The following USP12 variants were observed in gnomAD, a reference collection of about 807,000 sequenced individuals.
USP12 encodes the protein ubiquitin carboxyl-terminal hydrolase 12.
USP12 carries 19 observed loss-of-function variants against 45.5 expected under a neutral mutation model. That is an observed-to-expected ratio of 0.42 (90% confidence interval 0.29 to 0.61). USP12 has a LOEUF of 0.61. Ranked by LOEUF, USP12 falls within the 20% of genes least tolerant of loss-of-function variation. USP12 has a pLI of 0.22. For missense variants in USP12, 242 were observed against 447.7 expected (o/e 0.54, Z 4.15); for synonymous variants, 149 against 148.8 (o/e 1.00, Z -0.01).
chr13:27,158,013 C>A (rs1186583656), intron 1 of USP12, among the ~76,000 whole-genome samples: 1 of 152,172 alleles, frequency 6.6e-6, no homozygotes, highest in Non-Finnish European at 1.5e-5. Flanking sequence ...CCTGATTGCG[C>A]CATTAGTTTT....
chr13:27,082,827 T>C (rs1181480177), intron 6 of USP12, among the ~76,000 whole-genome samples: 1 of 152,116 alleles, frequency 6.6e-6, no homozygotes, highest in Non-Finnish European at 1.5e-5. Flanking sequence ...ACGCACAACA[T>C]TTAAGTTCAT....
intron 1 of USP12, among the ~76,000 whole-genome samples, chr13:27,143,562 C>T (rs1232435848): frequency 1.3e-5 from 2 of 152,178 alleles, no homozygotes; most frequent in Admixed American, 6.5e-5. Flanking sequence ...TATTGGTCAA[C>T]TGCCAAATCC....
At chr13:27,080,714 G>A (rs1191379226) in intron 6 of USP12, among the ~76,000 whole-genome samples, 2 of 152,126 alleles carry the variant, frequency 1.3e-5, no homozygotes, top group Non-Finnish European at 2.9e-5. Flanking sequence ...CCAGGCCACC[G>A]CAATAAAGTG....
rs1484517244 is a variant in USP12, at chr13:27,067,907, A to G, written c.*1376T>C. 6.6e-6 allele frequency: 1 copy of G among 152,182 alleles called. No homozygotes were observed. The highest frequency in any genetic ancestry group is 2.4e-5 in the African/African-American group (1 of 41,440). The allele number at this position is 152,182 out of a possible 1,614,324, so 9.4% of individuals were successfully genotyped here. A position where few individuals can be genotyped will look rare whatever the true frequency, so the allele number is the denominator to read the frequency against. ...CCAAAAAAACTGCAATCGTTTACAT[A>G]TATTTTATGTTACATATATTACTTC... On this transcript the variant is annotated 3_prime_UTR_variant, in exon 9 of 9. Transcript: ENST00000282344.
At chr13:27,102,677 A>G (rs1449523757) in intron 3 of USP12, among the ~76,000 whole-genome samples, 3 of 152,242 alleles carry the variant, frequency 2.0e-5, no homozygotes, top group Non-Finnish European at 1.5e-5. Flanking sequence ...ACATTTCCCA[A>G]TGACTGACAT....
intron 1 of USP12, among the ~76,000 whole-genome samples, chr13:27,171,095 C>T (rs1184495890): frequency 2.0e-5 from 3 of 151,254 alleles, no homozygotes; most frequent in Non-Finnish European, 4.4e-5. Flanking sequence ...CGACCCCCAC[C>T]CCTCCCGGGG....
chr13:27,163,506 C>T (rs541414790), intron 1 of USP12, among the ~76,000 whole-genome samples: 32 of 152,226 alleles, frequency 2.1e-4, no homozygotes, highest in African/African-American at 7.5e-4. Context: ...ATATAATTAC[C>T]ATTACTTATA....
At chr13:27,157,995 G>A (rs1215230990) in intron 1 of USP12, among the ~76,000 whole-genome samples, 1 of 152,196 alleles carries the variant, frequency 6.6e-6, no homozygotes, top group East Asian at 1.9e-4. Context: ...GACATTAATT[G>A]CAATGGACCT....
chr13:27,094,624 A>G (rs535411919), intron 4 of USP12, among the ~76,000 whole-genome samples: 1 of 152,278 alleles, frequency 6.6e-6, no homozygotes, highest in South Asian at 2.1e-4. Context: ...GAAAAACACA[A>G]CATGAATGAT....
chr13:27,081,009 A>ATTTTTTTTTT (rs372527345), intron 6 of USP12, among the ~76,000 whole-genome samples: 1 of 114,620 alleles, frequency 8.7e-6, no homozygotes, highest in African/African-American at 3.3e-5. Flanking sequence ...GGCTGAGGCA[A>ATTTTTTTTTT]TTTTTTTTTT....
rs113419409 is a variant in USP12 at position 27,074,970 on chromosome 13, T to C, written c.932+221A>G. Reference sequence around the variant, plus strand: ...TCTAGGAAATCAGATATAGTACTTGTAGAGTAATAAATAATAAAAATAAAA... The same window carrying C: ...TCTAGGAAATCAGATATAGTACTTGCAGAGTAATAAATAATAAAAATAAAA... On this transcript the variant is annotated intron_variant, in intron 7 of 8. Transcript: ENST00000282344. Among the ~76,000 whole-genome samples the C allele has an allele frequency of 2.7e-3, 416 of 152,268 alleles. 4 individuals are homozygous for C. Among genetic ancestry groups the C allele is most frequent in the African/African-American group, 9.4e-3 (392 of 41,568 alleles).
chr13:27,085,263 C>T (rs937261588), intron 6 of USP12, among the ~76,000 whole-genome samples: 17 of 151,926 alleles, frequency 1.1e-4, no homozygotes, highest in African/African-American at 3.9e-4. Context: ...ACCTCTGCCT[C>T]CCTGCCTCCC....
intron 1 of USP12, among the ~76,000 whole-genome samples, chr13:27,138,336 G>C (rs1249147594): frequency 6.6e-6 from 1 of 152,158 alleles, no homozygotes; most frequent in Non-Finnish European, 1.5e-5. Context: ...ATTTAACAAA[G>C]ATGTATGAAC....
At chr13:27,126,695 T>C (rs1876253975) in intron 1 of USP12, among the ~76,000 whole-genome samples, 1 of 152,182 alleles carries the variant, frequency 6.6e-6, no homozygotes, top group Non-Finnish European at 1.5e-5. Context: ...ACCAGATTTG[T>C]AGCACCTATT....
intron 1 of USP12, among the ~76,000 whole-genome samples, chr13:27,134,865 C>T (rs1289431409): frequency 6.6e-6 from 1 of 152,218 alleles, no homozygotes; most frequent in African/African-American, 2.4e-5. Flanking sequence ...GCCATACTCA[C>T]TGACACCATC....
At chr13:27,151,499 G>A (rs1371286165) in intron 1 of USP12, among the ~76,000 whole-genome samples, 1 of 152,014 alleles carries the variant, frequency 6.6e-6, no homozygotes, top group Admixed American at 6.6e-5. Flanking sequence ...TCTTACACCA[G>A]GGCCAGGCAG....
chr13:27,119,320 A>G (rs1003202910), intron 1 of USP12, among the ~76,000 whole-genome samples: 7 of 152,232 alleles, frequency 4.6e-5, no homozygotes, highest in African/African-American at 1.2e-4. Context: ...CAGAGGTATC[A>G]TCACTGTACT....
intron 1 of USP12, among the ~76,000 whole-genome samples, chr13:27,153,455 A>G (rs1250407504): frequency 6.6e-6 from 1 of 152,258 alleles, no homozygotes; most frequent in Non-Finnish European, 1.5e-5. Flanking sequence ...CTAGTTTCAA[A>G]TAGGTTCTAT....
intron 8 of USP12, 33 bp from the exon 9 acceptor site, chr13:27,069,417 A>G (rs1171835302): frequency 1.3e-6 from 2 of 1,485,272 alleles, no homozygotes; most frequent in African/African-American, 1.4e-5. Context: ...TAGTACATAA[A>G]TGAGCTCTGT....
Sources: allele counts gnomAD v4.1 joint callset (sites outside exome capture counted in the v4.1 genomes callset), GRCh38; gene constraint gnomAD v4.1.1; transcripts MANE v1.5; gene names NCBI Gene and HGNC (gene_info 2026-07-23, HGNC 2026-07-21).